The following GAB2 variants were observed in gnomAD, a reference collection of about 807,000 sequenced individuals.
The protein encoded by GAB2 is GRB2-associated-binding protein 2.
A neutral mutation model predicts 65.5 loss-of-function variants in GAB2; 26 were observed. The observed-to-expected ratio is 0.40, with a 90% CI of 0.29 to 0.55. The LOEUF is 0.55. Ranked by LOEUF, GAB2 falls within the 20% of genes least tolerant of loss-of-function variation. GAB2 has a pLI of 0.53. For missense variants in GAB2, 884 were observed against 875.8 expected (o/e 1.01, Z -0.12); for synonymous variants, 321 against 329.6 (o/e 0.97, Z 0.28).
intron 4 of GAB2, 114 bp from the exon 5 acceptor site, chr11:78,225,316 C>G: frequency 3.0e-6 from 2 of 657,474 alleles, no homozygotes; most frequent in Non-Finnish European, 5.4e-6. Context: ...AGATACTACT[C>G]TCAACCCCAA....
intron 1 of GAB2, chr11:78,363,952 G>A (rs972139566): frequency 2.0e-5 from 3 of 152,028 alleles, no homozygotes; most frequent in African/African-American, 7.2e-5. Context: ...CAAGCCCAGT[G>A]AAAGTACCCA....
intron 1 of GAB2, among the ~76,000 whole-genome samples, chr11:78,384,517 G>GGT (rs1856741397): frequency 6.6e-6 from 1 of 152,174 alleles, no homozygotes; most frequent in Non-Finnish European, 1.5e-5. Context: ...CCTGCCAAAG[G>GGT]GGACCCAGAA....
intron 2 of GAB2, among the ~76,000 whole-genome samples, chr11:78,269,710 A>G (rs1398109294): frequency 6.6e-6 from 1 of 152,238 alleles, no homozygotes; most frequent in Non-Finnish European, 1.5e-5. Context: ...AAGGATTACT[A>G]GAAGTTTAAG....
chr11:78,334,417 C>T (rs1855965194), intron 1 of GAB2, among the ~76,000 whole-genome samples: 1 of 152,160 alleles, frequency 6.6e-6, no homozygotes, highest in African/African-American at 2.4e-5. Context: ...ACTCCCCTTC[C>T]CAGCCTCTGG....
intron 1 of GAB2, among the ~76,000 whole-genome samples, chr11:78,307,953 G>A (rs554480359): frequency 6.6e-6 from 1 of 152,214 alleles, no homozygotes; most frequent in East Asian, 1.9e-4. Flanking sequence ...CACCCAGTGT[G>A]GGTGAGCACC....
In GAB2 at chr11:78,417,693, T is replaced by TGCACACCACGTCGCCGCC. The variant is rs1857218083; in HGVS notation, c.10_27dup (p.Gly4_Cys9dup). 1.5e-6 allele frequency: 2 copies of TGCACACCACGTCGCCGCC among 1,368,616 alleles called. No homozygotes were observed. Among genetic ancestry groups the TGCACACCACGTCGCCGCC allele is most frequent in the East Asian group, 7.7e-5 (2 of 26,014 alleles). 84.8% of individuals were successfully genotyped at this position (1,368,616 alleles called of 1,614,324 possible). A position where few individuals can be genotyped will look rare whatever the true frequency, so the allele number is the denominator to read the frequency against. On this transcript the variant is annotated inframe_insertion, in exon 1 of 10. Transcript: ENST00000361507. Reference sequence around the variant, plus strand: ...GGAGGCGATTTCCTCAGCCAGCCGGTGCACACCACGTCGCCGCCGCCGCTC... The same window carrying TGCACACCACGTCGCCGCC: ...GGAGGCGATTTCCTCAGCCAGCCGGTGCACACCACGTCGCCGCCGCACACCACGTCGCCGCCGCCGCTC...
At chr11:78,322,831 G>A (rs1176122413) in intron 1 of GAB2, among the ~76,000 whole-genome samples, 1 of 150,950 alleles carries the variant, frequency 6.6e-6, no homozygotes, top group Non-Finnish European at 1.5e-5. Flanking sequence ...AGATGCTGGA[G>A]AGGCTGTGGA....
At chr11:78,411,733 A>G (rs4944199) in intron 1 of GAB2, among the ~76,000 whole-genome samples, 34,724 of 149,030 alleles carry the variant, frequency 0.23, 4,283 homozygotes, top group East Asian at 0.45. Context: ...AAATGTGTAG[A>G]AAAAAAAAAA....
In GAB2 at chr11:78,280,495, C is replaced by G. The variant is rs1481653696; in HGVS notation, c.376+106G>C. The G allele has an allele frequency of 8.9e-6, 8 of 898,196 alleles. No homozygotes were observed. The Admixed American group carries it at 1.8e-4, about 20-fold the overall frequency. 55.6% of individuals were successfully genotyped at this position (898,196 alleles called of 1,614,324 possible). ...ACACTCTTTACCCTTTATCTATGAA[C>G]GCTCTTCCAACAGGAAACCTTAGCT... is the stretch of plus-strand genomic sequence containing the variant. On this transcript the variant is annotated intron_variant, in intron 2 of 9. Coordinates refer to ENST00000361507, the MANE Select transcript of GAB2 (RefSeq NM_080491.3).
At chr11:78,399,264 G>C (rs1305463025) in intron 1 of GAB2, among the ~76,000 whole-genome samples, 1 of 152,206 alleles carries the variant, frequency 6.6e-6, no homozygotes, top group Non-Finnish European at 1.5e-5. Flanking sequence ...AGCAAAGGGA[G>C]ACTGATAGCC....
In GAB2 at chr11:78,226,619, G is replaced by GGGGCCC; in HGVS notation, c.1052_1053insGGGCCC (p.Pro351_Pro352insGlyPro). ...GACTTGGCTTGGGGGGGCGGGGTGG[G>GGGGCCC]GGAGCTATGGCTGAGTCCCCAGGAG... On this transcript the variant is annotated inframe_insertion, in exon 4 of 10. Transcript: ENST00000361507. The GGGGCCC allele has an allele frequency of 1.1e-6, 1 of 952,238 alleles. No homozygotes were observed. The allele number at this position is 952,238 out of a possible 1,614,324, so 59.0% of individuals were successfully genotyped here. A position where few individuals can be genotyped will look rare whatever the true frequency, so the allele number is the denominator to read the frequency against.
At position 78,272,715 on chromosome 11, in the gene GAB2, G is replaced by A. The variant is rs150681458; in HGVS notation, c.376+7886C>T. Among the ~76,000 whole-genome samples the A allele has an allele frequency of 6.2e-3, 945 of 152,328 alleles. 11 individuals are homozygous for A. Among genetic ancestry groups the A allele is most frequent in the African/African-American group, 0.021 (886 of 41,566 alleles). On this transcript the variant is annotated intron_variant, in intron 2 of 9. Coordinates refer to ENST00000361507, the MANE Select transcript of GAB2 (RefSeq NM_080491.3). ...TGCAGAAATTTGCATAAGTAAGGAG[G>A]AGACGAATGTTAATCCCCAAGACAA...
intron 1 of GAB2, among the ~76,000 whole-genome samples, chr11:78,380,524 CA>C (rs1310130419): frequency 1.3e-5 from 2 of 152,148 alleles, no homozygotes; most frequent in African/African-American, 4.8e-5. Context: ...ATTGGGATGA[CA>C]AAGACTCCCT....
At chr11:78,324,946 C>T (rs73496793) in intron 1 of GAB2, among the ~76,000 whole-genome samples, 4,770 of 152,224 alleles carry the variant, frequency 0.031, 196 homozygotes, top group African/African-American at 0.1. Context: ...GTTAAACTTT[C>T]GGGAACTTTG....
In GAB2 at chr11:78,256,174, C is replaced by T. The variant is rs140092549; in HGVS notation, c.377-5774G>A. On this transcript the variant is annotated intron_variant, in intron 2 of 9. Transcript: ENST00000361507. Reference sequence around the variant, plus strand: ...AATGGAAACAACCAAAATGTCCTGACGAATGGATAAACAAAATGTGATATA... The same window carrying T: ...AATGGAAACAACCAAAATGTCCTGATGAATGGATAAACAAAATGTGATATA... Among the ~76,000 whole-genome samples, 60 of 152,166 alleles carry T rather than the reference C, an allele frequency of 3.9e-4. No homozygotes were observed. The East Asian group carries it at 9.1e-3, about 23-fold the overall frequency.
intron 1 of GAB2, among the ~76,000 whole-genome samples, chr11:78,309,074 G>A (rs1011892458): frequency 2.0e-5 from 3 of 152,262 alleles, no homozygotes; most frequent in East Asian, 1.9e-4. Context: ...AGGTATTTGA[G>A]AATTACTTAG....
At chr11:78,250,037 A>T in intron 3 of GAB2, 120 bp downstream of exon 3, 1 of 1,017,234 alleles carries the variant, frequency 9.8e-7, no homozygotes, top group South Asian at 1.5e-5. Flanking sequence ...TTTGTCATAG[A>T]CGTGTTTGTC....
At chr11:78,290,998 T>C (rs549516078) in intron 1 of GAB2, among the ~76,000 whole-genome samples, 17 of 152,260 alleles carry the variant, frequency 1.1e-4, no homozygotes, top group Admixed American at 5.2e-4. Context: ...CTCAGTTCTA[T>C]AGTGGCATGA....
intron 1 of GAB2, among the ~76,000 whole-genome samples, chr11:78,401,185 T>TTA (rs1856966965): frequency 1.3e-5 from 2 of 152,108 alleles, no homozygotes; most frequent in Non-Finnish European, 2.9e-5. Context: ...AGTGTACAGC[T>TTA]CAGTGGCATT....
Sources: gnomAD v4.1 joint callset for allele counts (sites outside exome capture counted in the v4.1 genomes callset) on GRCh38, gnomAD v4.1.1 for gene constraint, MANE v1.5 for transcripts, NCBI Gene and HGNC (gene_info 2026-07-23, HGNC 2026-07-21) for gene names.